Variants in CDH12 observed in about 807,000 individuals in gnomAD.
CDH12 encodes cadherin 12.
In CDH12, 41 loss-of-function variants were observed where a neutral mutation model predicts 74.1. The ratio of observed to expected loss-of-function variants is 0.55; its 90% confidence interval spans 0.43 to 0.72. The LOEUF (loss-of-function observed/expected upper bound fraction) is 0.72, where lower values mean the gene tolerates loss of function less well. Ranked by LOEUF, CDH12 falls within the 30% of genes least tolerant of loss-of-function variation. The pLI, the probability that CDH12 is intolerant of heterozygous loss-of-function variation, is 0.00. For missense variants in CDH12, 945 were observed against 977.2 expected (o/e 0.97, Z 0.44); for synonymous variants, 399 against 355.0 (o/e 1.12, Z -1.39).
intron 1 of CDH12, among the ~76,000 whole-genome samples, chr5:22,834,918 G>A (rs1736758646): frequency 6.6e-6 from 1 of 151,958 alleles, no homozygotes; most frequent in Non-Finnish European, 1.5e-5. Context: ...AGGAAGGAGA[G>A]TAGAGAGGGA....
intron 3 of CDH12, among the ~76,000 whole-genome samples, chr5:22,321,658 T>TA (rs891949006): frequency 2.0e-5 from 3 of 151,896 alleles, no homozygotes; most frequent in East Asian, 1.9e-4. Context: ...AAAAATAAAT[T>TA]AAAAAAAAGA....
At position 21,948,852 on chromosome 5, in the gene CDH12, T is replaced by A. The variant is rs867981321; in HGVS notation, c.526+26239A>T. ...GGCGGTTTCTGCCATGCTGTTCTTA[T>A]GATAGTGAGTGAGTTCTCAGGAGAT... On this transcript the variant is annotated intron_variant, in intron 6 of 14. Coordinates refer to ENST00000382254, the MANE Select transcript of CDH12 (RefSeq NM_004061.5). Among the ~76,000 whole-genome samples the A allele has an allele frequency of 2.6e-5, 4 of 152,288 alleles. No individual in the cohort carries two copies. The Middle Eastern group carries it at 0.014, about 518-fold the overall frequency.
intron 6 of CDH12, among the ~76,000 whole-genome samples, chr5:21,904,813 A>G (rs758084117): frequency 7.9e-5 from 12 of 152,074 alleles, no homozygotes; most frequent in Non-Finnish European, 1.8e-4. Context: ...AGAAAGAAAG[A>G]AAAAGGAAAA....
intron 3 of CDH12, among the ~76,000 whole-genome samples, chr5:22,348,794 T>C (rs1740234181): frequency 1.3e-5 from 2 of 152,286 alleles, no homozygotes; most frequent in East Asian, 1.9e-4. Context: ...TAGGCACTCA[T>C]TGGTGACATA....
rs11445293 is a variant in CDH12, at chr5:22,368,466, AT to A, written c.-333+36790del. 2.5e-3 allele frequency among the ~76,000 whole-genome samples: 334 copies of A among 135,274 alleles called. 4 individuals carry two copies. Among genetic ancestry groups the A allele is most frequent in the East Asian group, 0.015 (70 of 4,588 alleles). 88.7% of individuals were successfully genotyped at this position (135,274 alleles called of 152,430 possible). A position where few individuals can be genotyped will look rare whatever the true frequency, so the allele number is the denominator to read the frequency against. ...AGGAGTCTACCACCAAGTCTGGCTA[AT>A]TTTTTTTTTTTTTTTTTGCAGAGAC... On this transcript the variant is annotated intron_variant, in intron 3 of 14. Coordinates refer to ENST00000382254, the MANE Select transcript of CDH12 (RefSeq NM_004061.5).
intron 3 of CDH12, among the ~76,000 whole-genome samples, chr5:22,302,173 T>C (rs1253685070): frequency 2.6e-5 from 4 of 152,088 alleles, no homozygotes; most frequent in African/African-American, 7.2e-5. Flanking sequence ...AAAATAAAAA[T>C]GGATTCAGAG....
At chr5:22,006,921 T>A (rs1561014002) in intron 5 of CDH12, among the ~76,000 whole-genome samples, 1 of 152,176 alleles carries the variant, frequency 6.6e-6, no homozygotes, top group Non-Finnish European at 1.5e-5. Context: ...TTATAAACTT[T>A]ATAAATAATA....
intron 1 of CDH12, among the ~76,000 whole-genome samples, chr5:22,718,434 A>C (rs1450388540): frequency 6.6e-6 from 1 of 152,240 alleles, no homozygotes; most frequent in African/African-American, 2.4e-5. Context: ...CGTTGTTTCC[A>C]TGTCACTGAG....
At chr5:21,829,888 T>A (rs577807037) in intron 8 of CDH12, among the ~76,000 whole-genome samples, 77 of 152,204 alleles carry the variant, frequency 5.1e-4, no homozygotes, top group African/African-American at 1.7e-3. Context: ...ATCACTTCTA[T>A]GTTTTTGTCT....
intron 6 of CDH12, among the ~76,000 whole-genome samples, chr5:21,864,355 G>A (rs1322057953): frequency 1.3e-5 from 2 of 152,140 alleles, no homozygotes; most frequent in Admixed American, 6.6e-5. Context: ...CCCTTAGTGT[G>A]GGTAGATACC....
intron 1 of CDH12, among the ~76,000 whole-genome samples, chr5:22,742,906 T>C (rs145583377): frequency 3.3e-5 from 5 of 151,854 alleles, no homozygotes; most frequent in Non-Finnish European, 7.4e-5. Context: ...TCCGTGAAAG[T>C]GTTTTGGATG....
In CDH12 at chr5:22,238,958, G is replaced by A. The variant is rs12697601; in HGVS notation, c.-332-26315C>T. On this transcript the variant is annotated intron_variant, in intron 3 of 14. Transcript: ENST00000382254. ...AACTACATATTAAATCTAGACGTTA[G>A]GGAAAGAAACACATTTTTCTCCTGG... is the stretch of plus-strand genomic sequence containing the variant. Among the ~76,000 whole-genome samples, 539 of 152,258 alleles carry A rather than the reference G, an allele frequency of 3.5e-3. 3 individuals carry two copies. Among genetic ancestry groups the A allele is most frequent in the African/African-American group, 0.013 (523 of 41,550 alleles).
intron 1 of CDH12, among the ~76,000 whole-genome samples, chr5:22,587,940 ATT>A (rs1279722313): frequency 4.0e-5 from 6 of 148,314 alleles, no homozygotes; most frequent in Non-Finnish European, 8.9e-5. Context: ...TTATATATAT[ATT>A]ATCCACCAAA....
intron 8 of CDH12, among the ~76,000 whole-genome samples, chr5:21,825,874 C>G (rs936101129): frequency 1.3e-5 from 2 of 152,158 alleles, no homozygotes; most frequent in African/African-American, 2.4e-5. Flanking sequence ...TGTGGAAATT[C>G]TTAGAAAAGA....
At chr5:22,066,976 T>C (rs1741608041) in intron 5 of CDH12, among the ~76,000 whole-genome samples, 1 of 152,192 alleles carries the variant, frequency 6.6e-6, no homozygotes, top group Non-Finnish European at 1.5e-5. Context: ...CTTTTGATAA[T>C]AGCACATAAA....
chr5:22,303,504 G>A (rs1280403852), intron 3 of CDH12, among the ~76,000 whole-genome samples: 1 of 151,930 alleles, frequency 6.6e-6, no homozygotes, highest in Admixed American at 6.6e-5. Flanking sequence ...GAGGGCTATA[G>A]AATTAATGGA....
intron 8 of CDH12, among the ~76,000 whole-genome samples, chr5:21,836,298 A>C (rs913542747): frequency 6.6e-6 from 1 of 151,742 alleles, no homozygotes; most frequent in African/African-American, 2.4e-5. Flanking sequence ...GTCAATATAA[A>C]CACGTTTGTA....
rs199887757 is a variant in CDH12 at position 21,804,655 on chromosome 5, C to T, written c.1003-2235G>A. Among the ~76,000 whole-genome samples the T allele has an allele frequency of 9.0e-3, 1,237 of 136,884 alleles. 16 individuals carry two copies. Among genetic ancestry groups the T allele is most frequent in the East Asian group, 0.028 (133 of 4,806 alleles). The allele number at this position is 136,884 out of a possible 152,430, so 89.8% of individuals were successfully genotyped here. A position where few individuals can be genotyped will look rare whatever the true frequency, so the allele number is the denominator to read the frequency against. On this transcript the variant is annotated intron_variant, in intron 9 of 14. Coordinates refer to ENST00000382254, the MANE Select transcript of CDH12 (RefSeq NM_004061.5). ...TATAGTGAATTAAAACACACACACA[C>T]ACACACACACACACACACACACACA...
intron 2 of CDH12, among the ~76,000 whole-genome samples, chr5:22,409,799 C>A (rs913886605): frequency 6.6e-6 from 1 of 151,902 alleles, no homozygotes; most frequent in Non-Finnish European, 1.5e-5. Flanking sequence ...CCACTCCTAC[C>A]CCATGACTAG....
Sources: gnomAD v4.1 joint callset for allele counts (sites outside exome capture counted in the v4.1 genomes callset) on GRCh38, gnomAD v4.1.1 for gene constraint, MANE v1.5 for transcripts, NCBI Gene and HGNC (gene_info 2026-07-23, HGNC 2026-07-21) for gene names.